The following GLP2R variants were observed in gnomAD, a reference collection of about 807,000 sequenced individuals.
GLP2R encodes glucagon like peptide 2 receptor.
A neutral mutation model predicts 68.2 loss-of-function variants in GLP2R; 59 were observed. That is an observed-to-expected ratio of 0.87 (90% CI 0.70 to 1.07). GLP2R has a LOEUF of 1.07. Ranked by LOEUF, GLP2R falls within the 50% of genes least tolerant of loss-of-function variation. The probability of loss-of-function intolerance (pLI) is 0.00; values close to 1 mark genes in which losing one functional copy is unlikely to be tolerated. For synonymous variants in GLP2R, 270 were observed against 265.4 expected (o/e 1.02, Z -0.17); for missense variants, 548 against 677.4 (o/e 0.81, Z 2.12).
At chr17:9,835,878 A>C (rs2066724777) in intron 2 of GLP2R, among the ~76,000 whole-genome samples, 1 of 151,932 alleles carries the variant, frequency 6.6e-6, no homozygotes, top group Non-Finnish European at 1.5e-5. Context: ...GTCTCTACTA[A>C]AAATACAAAA....
intron 9 of GLP2R, chr17:9,866,552 C>A (rs548929145): frequency 7.2e-5 from 11 of 152,614 alleles, no homozygotes; most frequent in African/African-American, 2.6e-4. Flanking sequence ...TAAAAAAATA[C>A]CCAGCCCAGA....
chr17:9,860,143 C>T (rs1431469713), intron 7 of GLP2R, 42 bp downstream of exon 7: 1 of 1,522,640 alleles, frequency 6.6e-7, no homozygotes, highest in African/African-American at 1.4e-5. Context: ...GGGGATCCAT[C>T]AAAATATGGG....
intron 1 of GLP2R, among the ~76,000 whole-genome samples, chr17:9,831,845 T>C (rs1446050466): frequency 6.6e-6 from 1 of 151,652 alleles, no homozygotes; most frequent in Non-Finnish European, 1.5e-5. Flanking sequence ...GGAGGTGGGG[T>C]CGATGGAACC....
At chr17:9,869,459 C>G (rs2067071700) in intron 9 of GLP2R, among the ~76,000 whole-genome samples, 1 of 152,266 alleles carries the variant, frequency 6.6e-6, no homozygotes, top group Non-Finnish European at 1.5e-5. Flanking sequence ...TCTCCAAGCT[C>G]TACCCAAACC....
At chr17:9,849,129 T>C (rs2066868599) in intron 4 of GLP2R, among the ~76,000 whole-genome samples, 1 of 151,634 alleles carries the variant, frequency 6.6e-6, no homozygotes. Flanking sequence ...AATATATCCA[T>C]TGATTATATA....
chr17:9,827,688 C>A (rs2152028170), intron 1 of GLP2R, among the ~76,000 whole-genome samples: 1 of 152,206 alleles, frequency 6.6e-6, no homozygotes, highest in South Asian at 2.1e-4. Context: ...TCAGACTGGG[C>A]ACGGTAGCTC....
At position 9,849,103 on chromosome 17, in the gene GLP2R, T is replaced by A. The variant is rs181456029; in HGVS notation, c.505-5392T>A. ...TATAATTTTAATAATACGTTTAAAATTTTAATATAATTTATAATATATCCA... is the reference window on the plus strand; with the variant it reads ...TATAATTTTAATAATACGTTTAAAAATTTAATATAATTTATAATATATCCA... On this transcript the variant is annotated intron_variant, in intron 4 of 12. Transcript: ENST00000262441. Among the ~76,000 whole-genome samples, 42 of 151,780 alleles carry A rather than the reference T, an allele frequency of 2.8e-4. No individual in the cohort carries two copies. In the East Asian group the frequency reaches 7.9e-3, roughly 29 times the overall value.
chr17:9,888,380 C>G (rs1214335550), intron 12 of GLP2R, among the ~76,000 whole-genome samples: 1 of 152,192 alleles, frequency 6.6e-6, no homozygotes, highest in East Asian at 1.9e-4. Flanking sequence ...CAACAATCAT[C>G]CCTGCTTTGT....
chr17:9,835,777 A>T (rs1406700660), intron 2 of GLP2R, among the ~76,000 whole-genome samples: 2 of 152,140 alleles, frequency 1.3e-5, no homozygotes, highest in Non-Finnish European at 2.9e-5. Context: ...ATGGTGTCTC[A>T]TGCCTATAAT....
At chr17:9,853,100 A>G (rs975405931) in intron 4 of GLP2R, 23 of 535,264 alleles carry the variant, frequency 4.3e-5, no homozygotes, top group Non-Finnish European at 3.9e-5. Flanking sequence ...CTTTAATTGG[A>G]CTGCCTTCGT....
chr17:9,836,020 T>C (rs1046145035), intron 2 of GLP2R, among the ~76,000 whole-genome samples: 148 of 108,814 alleles, frequency 1.4e-3, no homozygotes, highest in Non-Finnish European at 1.8e-3. Flanking sequence ...GCCTGGGCAA[T>C]ACAGTGAGAC....
At chr17:9,862,922 G>T (rs889158833) in intron 9 of GLP2R, among the ~76,000 whole-genome samples, 2 of 152,154 alleles carry the variant, frequency 1.3e-5, no homozygotes, top group Non-Finnish European at 2.9e-5. Flanking sequence ...AAAGAAAAAG[G>T]CTAGTTTTTA....
chr17:9,858,887 T>C (rs1299736108), intron 6 of GLP2R, among the ~76,000 whole-genome samples: 2 of 152,218 alleles, frequency 1.3e-5, no homozygotes, highest in Non-Finnish European at 2.9e-5. Context: ...TGGCAACAAG[T>C]TTCTCAACTT....
chr17:9,875,276 A>G (rs1408454574), intron 10 of GLP2R, among the ~76,000 whole-genome samples: 1 of 152,164 alleles, frequency 6.6e-6, no homozygotes, highest in Non-Finnish European at 1.5e-5. Flanking sequence ...TCAGCTCCTC[A>G]GCTCACAGTG....
rs2067291236 is a variant in GLP2R at position 9,891,594 on chromosome 17, G to T, written c.*1889G>T. On this transcript the variant is annotated 3_prime_UTR_variant, in exon 13 of 13. Transcript: ENST00000262441. ...TATATTGACTATGGGGACTTTTGGG[G>T]CCCCCTTAAATTTTGCACTTGAAAT... is the stretch of plus-strand genomic sequence containing the variant. The T allele has an allele frequency of 6.6e-6, 1 of 152,132 alleles. No individual in the cohort carries two copies. Among genetic ancestry groups the T allele is most frequent in the South Asian group, 2.1e-4 (1 of 4,822 alleles). The allele number at this position is 152,132 out of a possible 1,614,324, so 9.4% of individuals were successfully genotyped here.
chr17:9,860,208 G>T, intron 7 of GLP2R, 107 bp downstream of exon 7: 6 of 1,042,926 alleles, frequency 5.8e-6, no homozygotes, highest in Non-Finnish European at 8.2e-6. Context: ...TTGCTTCTGG[G>T]ACATATAAGT....
chr17:9,876,579 A>G (rs1377272277), intron 10 of GLP2R, among the ~76,000 whole-genome samples: 1 of 152,176 alleles, frequency 6.6e-6, no homozygotes, highest in Non-Finnish European at 1.5e-5. Context: ...CACCTCTCAC[A>G]TGAGGGTCTT....
intron 4 of GLP2R, chr17:9,852,765 T>G (rs968274818): frequency 2.8e-5 from 7 of 253,816 alleles, no homozygotes; most frequent in African/African-American, 4.6e-5. Context: ...CTGCTGCTTT[T>G]TCTTCAGTTT....
In GLP2R at chr17:9,870,786, A is replaced by G; in HGVS notation, c.1096A>G (p.Ile366Val). 1 of 1,587,764 alleles carries G rather than the reference A, an allele frequency of 6.3e-7. No individual in the cohort carries two copies. Among genetic ancestry groups the G allele is most frequent in the East Asian group, 2.2e-5 (1 of 44,762 alleles). Residue 366 changes from isoleucine (I) to valine (V), a missense_variant, in exon 10 of 13, where the codon ATT becomes GTT. Coordinates refer to ENST00000262441, the MANE Select transcript of GLP2R (RefSeq NM_004246.3). ...FIFLKILKLL[I>V]SKLKAHQMCF... ...CTTCCTGAAAATTCTCAAGCTTCTC[A>G]TTTCTAAGCTCAAAGCTCATCAAAT...
Sources: gnomAD v4.1 joint callset for allele counts (sites outside exome capture counted in the v4.1 genomes callset) on GRCh38, gnomAD v4.1.1 for gene constraint, MANE v1.5 for transcripts, NCBI Gene and HGNC (gene_info 2026-07-23, HGNC 2026-07-21) for gene names.